Variants in SSPN observed in about 807,000 individuals in gnomAD.
SSPN encodes the protein K-ras oncogene-associated protein.
SSPN carries 15 observed loss-of-function variants against 19.1 expected under a neutral mutation model. The ratio of observed to expected loss-of-function variants is 0.78; its 90% CI spans 0.52 to 1.21. The LOEUF is 1.21. Among genes scored for constraint, SSPN ranks in the 50% most tolerant of loss-of-function variants. SSPN has a pLI of 0.00. For missense variants in SSPN, 291 were observed against 314.0 expected (o/e 0.93, Z 0.55); for synonymous variants, 147 against 140.3 (o/e 1.05, Z -0.34).
upstream of SSPN, chr12:26,195,522 T>A: frequency 8.0e-7 from 1 of 1,249,980 alleles, no homozygotes; most frequent in Non-Finnish European, 1.0e-6. Context: ...CCGTGGCCTT[T>A]GGAGGCTCGG....
At chr12:26,226,707 T>C (rs1220484991) in intron 2 of SSPN, among the ~76,000 whole-genome samples, 2 of 152,000 alleles carry the variant, frequency 1.3e-5, no homozygotes, top group Non-Finnish European at 2.9e-5. Context: ...CCCCTGGAGG[T>C]TCGGAAACGT....
At chr12:26,132,566 A>T (rs2137397810) in intron 1 of SSPN, among the ~76,000 whole-genome samples, 1 of 152,294 alleles carries the variant, frequency 6.6e-6, no homozygotes. Context: ...TGTAAAGGCC[A>T]CTAGCAAAGA....
intron 1 of SSPN, among the ~76,000 whole-genome samples, chr12:26,204,494 T>C (rs1944913715): frequency 6.6e-6 from 1 of 152,214 alleles, no homozygotes; most frequent in Non-Finnish European, 1.5e-5. Flanking sequence ...TGTCAAGATG[T>C]AGCTCAAGGA....
intron 1 of SSPN, chr12:26,124,111 A>G (rs1417550897): frequency 6.2e-7 from 1 of 1,613,096 alleles, no homozygotes; most frequent in East Asian, 2.2e-5. Flanking sequence ...CTTTCAGCTG[A>G]GCAATGCATT....
rs1392004778 is a variant in SSPN, at chr12:26,195,580, G to A, written c.-93G>A. ...CATATTTGTTCAGCCTCCATAATTC[G>A]AATACCAGGGCAGGCCGAGCCAGCC... On this transcript the variant is annotated 5_prime_UTR_variant, in exon 1 of 3. Transcript: ENST00000242729. 3.0e-6 allele frequency: 4 copies of A among 1,322,028 alleles called. No homozygotes were observed. The highest frequency in any genetic ancestry group is 3.8e-6 in the Non-Finnish European group (4 of 1,041,752). 81.9% of individuals were successfully genotyped at this position (1,322,028 alleles called of 1,614,324 possible).
Position 26,224,381 on chromosome 12 carries a change from T to A in SSPN, c.366+2T>A. The stretch of plus-strand genomic sequence containing the variant: ...ACATGTATTCAATTTTCTATGAAAG[T>A]AAGTTGTGATTGTTCTTTCTCTTTT... On this transcript the variant is annotated splice_donor_variant, in intron 2 of 2. Coordinates refer to ENST00000242729, the MANE Select transcript of SSPN (RefSeq NM_005086.5). LOFTEE classifies it high-confidence loss of function. 6.2e-7 allele frequency: 1 copy of A among 1,603,768 alleles called. No individual in the cohort carries two copies. The highest frequency in any genetic ancestry group is 1.3e-5 in the African/African-American group (1 of 74,844).
chr12:26,215,850 A>T (rs978588735), intron 1 of SSPN, among the ~76,000 whole-genome samples: 2 of 152,240 alleles, frequency 1.3e-5, no homozygotes, highest in Non-Finnish European at 2.9e-5. Context: ...TTTCTCCCCC[A>T]ATTTGAAGGA....
At chr12:26,142,269 T>C (rs543703865) in intron 1 of SSPN, among the ~76,000 whole-genome samples, 3 of 152,250 alleles carry the variant, frequency 2.0e-5, no homozygotes, top group East Asian at 3.9e-4. Context: ...CTGTTGATAG[T>C]ATATTGAAGG....
At position 26,133,400 on chromosome 12, in the gene SSPN, C is replaced by G. The variant is rs548846859; in HGVS notation, c.-31+11248C>G. 3.0e-4 allele frequency among the ~76,000 whole-genome samples: 46 copies of G among 152,306 alleles called. 1 individual carries two copies. The highest frequency in any genetic ancestry group is 9.1e-4 in the African/African-American group (38 of 41,564). On this transcript the variant is annotated intron_variant, in intron 1 of 2. Coordinates refer to the SSPN transcript ENST00000538142. Reference sequence around the variant, plus strand: ...CCCTTTCATCCTAACTGCCCACACTCCAGACCAGGCCCCCATAATCTCTCA... The same window carrying G: ...CCCTTTCATCCTAACTGCCCACACTGCAGACCAGGCCCCCATAATCTCTCA...
Position 26,172,252 on chromosome 12 carries a change from T to G in SSPN, c.-31+50100T>G, listed in dbSNP as rs141860050. Among the ~76,000 whole-genome samples, 528 of 152,314 alleles carry G rather than the reference T, an allele frequency of 3.5e-3. 4 individuals are homozygous for G. Among genetic ancestry groups the G allele is most frequent in the African/African-American group, 0.012 (495 of 41,562 alleles). Reference sequence around the variant, plus strand: ...CATTCACCTTAGAATTTTTTAAATGTGTATGAAAATAATTCAAGCATATGG... The same window carrying G: ...CATTCACCTTAGAATTTTTTAAATGGGTATGAAAATAATTCAAGCATATGG... On this transcript the variant is annotated intron_variant, in intron 1 of 2. Transcript: ENST00000538142.
chr12:26,213,626 C>A (rs1184186662), intron 1 of SSPN, among the ~76,000 whole-genome samples: 1 of 151,910 alleles, frequency 6.6e-6, no homozygotes, highest in African/African-American at 2.4e-5. Flanking sequence ...ATAGTGGATG[C>A]ATGTTGTTGA....
intron 1 of SSPN, among the ~76,000 whole-genome samples, chr12:26,188,089 C>G (rs550702822): frequency 2.6e-5 from 4 of 152,296 alleles, no homozygotes; most frequent in Admixed American, 2.6e-4. Context: ...TTCATAGCAA[C>G]CTTCTGAGGT....
chr12:26,133,739 G>T (rs2137398714), intron 1 of SSPN, among the ~76,000 whole-genome samples: 1 of 152,340 alleles, frequency 6.6e-6, no homozygotes, highest in South Asian at 2.1e-4. Flanking sequence ...TGCCAGGGGA[G>T]AAATATGGTG....
intron 1 of SSPN, among the ~76,000 whole-genome samples, chr12:26,172,138 C>T (rs1208622185): frequency 1.3e-5 from 2 of 152,160 alleles, no homozygotes; most frequent in African/African-American, 4.8e-5. Context: ...TATTGAACTC[C>T]TGGCTTCAAA....
chr12:26,122,282 CGCGGCGGCGGCG>C (rs909227356), intron 1 of SSPN: 4 of 1,202,354 alleles, frequency 3.3e-6, no homozygotes, highest in South Asian at 4.2e-5. Flanking sequence ...GGCAGGGGAA[CGCGGCGGCGGCG>C]GCGGCAGCGG....
At chr12:26,155,462 C>G (rs1206347146) in intron 1 of SSPN, among the ~76,000 whole-genome samples, 1 of 152,114 alleles carries the variant, frequency 6.6e-6, no homozygotes, top group Non-Finnish European at 1.5e-5. Context: ...TCACGTTACC[C>G]TTAAATGGTA....
intron 1 of SSPN, chr12:26,134,870 T>C (rs1944416274): frequency 6.6e-6 from 1 of 152,256 alleles, no homozygotes; most frequent in Non-Finnish European, 1.5e-5. Context: ...ATGCTCCTGA[T>C]ATTGCAGGAA....
chr12:26,153,650 G>A (rs116252222), intron 1 of SSPN, among the ~76,000 whole-genome samples: 357 of 152,332 alleles, frequency 2.3e-3, no homozygotes, highest in African/African-American at 8.1e-3. Context: ...TGATTACAGA[G>A]GCTTGCAGTC....
chr12:26,158,758 G>C (rs573554504), intron 1 of SSPN, among the ~76,000 whole-genome samples: 2 of 152,362 alleles, frequency 1.3e-5, no homozygotes, highest in South Asian at 4.1e-4. Flanking sequence ...AGAGTCTCTG[G>C]CTTGCCAGCT....
Sources: gnomAD v4.1 joint callset for allele counts (sites outside exome capture counted in the v4.1 genomes callset) on GRCh38, gnomAD v4.1.1 for gene constraint, MANE v1.5 for transcripts, NCBI Gene and HGNC (gene_info 2026-07-23, HGNC 2026-07-21) for gene names.